Variants in COA1 observed in about 807,000 individuals in gnomAD.
COA1 encodes the protein cytochrome c oxidase assembly factor 1 homolog.
Under a neutral mutation model 16.0 loss-of-function variants are expected in COA1, and 13 were observed. That is an observed-to-expected ratio of 0.81 (90% CI 0.53 to 1.29). COA1 has a LOEUF of 1.29. Among genes scored for constraint, COA1 ranks in the 50% most tolerant of loss-of-function variants. The pLI is 0.00. For missense variants in COA1, 179 were observed against 177.0 expected (o/e 1.01, Z -0.06); for synonymous variants, 65 against 65.7 (o/e 0.99, Z 0.05).
At chr7:43,692,455 C>T (rs558682556) in intron 1 of COA1, among the ~76,000 whole-genome samples, 75 of 152,006 alleles carry the variant, frequency 4.9e-4, no homozygotes, top group African/African-American at 1.7e-3. Context: ...GAGGTCAAGG[C>T]TACAGCAAGC....
At chr7:43,684,123 A>G (rs1198671074) in intron 1 of COA1, among the ~76,000 whole-genome samples, 1 of 152,150 alleles carries the variant, frequency 6.6e-6, no homozygotes, top group Non-Finnish European at 1.5e-5. Context: ...CAAGAAAGGT[A>G]ATTTTTTTTC....
At chr7:43,729,121 C>T (rs2095685791) in intron 1 of COA1, among the ~76,000 whole-genome samples, 1 of 152,228 alleles carries the variant, frequency 6.6e-6, no homozygotes, top group South Asian at 2.1e-4. Context: ...CCCAACTCTT[C>T]GAGAGGACCC....
At chr7:43,723,375 G>C (rs1364807177) in intron 1 of COA1, among the ~76,000 whole-genome samples, 1 of 152,178 alleles carries the variant, frequency 6.6e-6, no homozygotes, top group Non-Finnish European at 1.5e-5. Context: ...TCGTAAAAGA[G>C]AATAATGCTG....
chr7:43,671,052 G>A (rs189085987), intron 1 of COA1, among the ~76,000 whole-genome samples: 2 of 152,294 alleles, frequency 1.3e-5, no homozygotes, highest in East Asian at 3.9e-4. Flanking sequence ...TTCAACATAT[G>A]ATGCTGAGAC....
intron 1 of COA1, among the ~76,000 whole-genome samples, chr7:43,669,674 G>A (rs1409775934): frequency 6.6e-6 from 1 of 151,444 alleles, no homozygotes; most frequent in East Asian, 1.9e-4. Flanking sequence ...TGTTCGAATC[G>A]CCCCCTCCCT....
At chr7:43,624,902 G>T (rs1407878594) in intron 6 of COA1, 17 of 1,407,726 alleles carry the variant, frequency 1.2e-5, no homozygotes, top group Non-Finnish European at 1.4e-5. Context: ...ATTATTTATG[G>T]ACCTCTGGCC....
downstream of COA1, among the ~76,000 whole-genome samples, chr7:43,634,703 G>A (rs1162704825): frequency 6.6e-6 from 1 of 152,178 alleles, no homozygotes; most frequent in Non-Finnish European, 1.5e-5. Context: ...CTGTGGGATT[G>A]GGGCCATGGG....
intron 1 of COA1, among the ~76,000 whole-genome samples, chr7:43,684,008 A>T (rs1024515989): frequency 9.2e-5 from 14 of 152,342 alleles, no homozygotes; most frequent in African/African-American, 3.4e-4. Context: ...CATTTGAGGA[A>T]ATCACTTACA....
intron 1 of COA1, among the ~76,000 whole-genome samples, chr7:43,700,917 A>G (rs1023316500): frequency 6.6e-6 from 1 of 152,096 alleles, no homozygotes; most frequent in Non-Finnish European, 1.5e-5. Context: ...TTTTGCCAAC[A>G]GTAGTAATAA....
chr7:43,690,695 TA>T (rs748207782), intron 1 of COA1, among the ~76,000 whole-genome samples: 166 of 150,120 alleles, frequency 1.1e-3, no homozygotes, highest in South Asian at 3.4e-3. Flanking sequence ...AAAAATAAAT[TA>T]AAAAAAAATA....
chr7:43,679,439 T>C (rs952113146), intron 1 of COA1, among the ~76,000 whole-genome samples: 1 of 152,006 alleles, frequency 6.6e-6, no homozygotes, highest in Non-Finnish European at 1.5e-5. Context: ...ATTCTCAGGG[T>C]GACCAAGATA....
chr7:43,624,887 TTAA>T, intron 6 of COA1: 1 of 1,491,072 alleles, frequency 6.7e-7, no homozygotes, highest in Non-Finnish European at 9.0e-7. Context: ...ATTGAAAATG[TTAA>T]TATTATTTAT....
chr7:43,639,735 C>T, intron 5 of COA1, 54 bp from the exon 6 acceptor site: 1 of 1,422,974 alleles, frequency 7.0e-7, no homozygotes, highest in South Asian at 1.2e-5. Flanking sequence ...GAGGCAACAG[C>T]CGTAGTCAAA....
At chr7:43,675,917 A>G (rs2093494806) in intron 1 of COA1, among the ~76,000 whole-genome samples, 1 of 152,162 alleles carries the variant, frequency 6.6e-6, no homozygotes, top group Non-Finnish European at 1.5e-5. Context: ...CTATTTAAAT[A>G]AAAGAATTAT....
intron 1 of COA1, among the ~76,000 whole-genome samples, chr7:43,701,845 G>A (rs746567415): frequency 2.6e-5 from 4 of 152,024 alleles, no homozygotes; most frequent in South Asian, 2.1e-4. Context: ...GTGATAGTGA[G>A]CATTTTTTCA....
chr7:43,685,199 T>C (rs553102177), intron 1 of COA1, among the ~76,000 whole-genome samples: 1 of 151,486 alleles, frequency 6.6e-6, no homozygotes, highest in East Asian at 1.9e-4. Context: ...AATGTGTGTC[T>C]CTTATAACCT....
intron 1 of COA1, among the ~76,000 whole-genome samples, chr7:43,685,294 T>C (rs1189324561): frequency 2.6e-5 from 4 of 152,184 alleles, no homozygotes; most frequent in Non-Finnish European, 4.4e-5. Context: ...GGGTGCCCTA[T>C]AGACATCCTA....
At chr7:43,704,837 T>TG (rs2094908102) in intron 1 of COA1, among the ~76,000 whole-genome samples, 1 of 152,196 alleles carries the variant, frequency 6.6e-6, no homozygotes, top group Non-Finnish European at 1.5e-5. Context: ...GAACCATTGC[T>TG]GGGGAGCTAG....
At chr7:43,616,365 T>G (rs1333011157) in intron 6 of COA1, among the ~76,000 whole-genome samples, 1 of 152,188 alleles carries the variant, frequency 6.6e-6, no homozygotes, top group African/African-American at 2.4e-5. Flanking sequence ...TAACACAAAA[T>G]AGACACCCTG....
Sources: allele counts gnomAD v4.1 joint callset (sites outside exome capture counted in the v4.1 genomes callset), GRCh38; gene constraint gnomAD v4.1.1; transcripts MANE v1.5; gene names NCBI Gene and HGNC (gene_info 2026-07-23, HGNC 2026-07-21).